Variants in SUPT3H observed in about 807,000 individuals in gnomAD.
SUPT3H encodes transcription initiation protein SPT3 homolog.
SUPT3H carries 44 observed loss-of-function variants against 44.3 expected under a neutral mutation model. The ratio of observed to expected loss-of-function variants is 0.99; its 90% CI spans 0.78 to 1.28. SUPT3H has a LOEUF of 1.28. Ranked by LOEUF, SUPT3H falls within the 50% of genes most tolerant of loss-of-function variation. The pLI, the probability that SUPT3H is intolerant of heterozygous loss-of-function variation, is 0.00. For missense variants in SUPT3H, 380 were observed against 387.1 expected (o/e 0.98, Z 0.15); for synonymous variants, 124 against 125.6 (o/e 0.99, Z 0.09).
intron 2 of SUPT3H, among the ~76,000 whole-genome samples, chr6:45,192,292 T>C (rs1403636134): frequency 6.6e-6 from 1 of 152,078 alleles, no homozygotes; most frequent in Non-Finnish European, 1.5e-5. Flanking sequence ...AAAAATCAGT[T>C]TATAGGGAAA....
At chr6:45,070,167 C>A (rs1212066455) in intron 3 of SUPT3H, among the ~76,000 whole-genome samples, 1 of 152,050 alleles carries the variant, frequency 6.6e-6, no homozygotes, top group Admixed American at 6.5e-5. Flanking sequence ...ATTGGATTTT[C>A]CAGATTGACT....
At chr6:45,092,240 T>C (rs958996828) in intron 3 of SUPT3H, among the ~76,000 whole-genome samples, 4 of 152,148 alleles carry the variant, frequency 2.6e-5, no homozygotes, top group African/African-American at 9.7e-5. Context: ...AAGAAACTCT[T>C]AGATTAAATA....
intron 2 of SUPT3H, among the ~76,000 whole-genome samples, chr6:45,179,803 C>A (rs540689656): frequency 5.9e-5 from 9 of 152,288 alleles, no homozygotes; most frequent in South Asian, 2.1e-4. Flanking sequence ...CCTTTGAAAA[C>A]TGGCACAAGA....
At chr6:44,824,984 T>G (rs149211623), downstream of SUPT3H, among the ~76,000 whole-genome samples, 1 of 152,218 alleles carries the variant, frequency 6.6e-6, no homozygotes, top group Non-Finnish European at 1.5e-5. Context: ...CATTGCCATA[T>G]GTACTTTTGT....
chr6:44,834,358 C>T (rs1406241078), intron 10 of SUPT3H, among the ~76,000 whole-genome samples: 5 of 151,980 alleles, frequency 3.3e-5, no homozygotes, highest in African/African-American at 1.2e-4. Context: ...GGCTTTTATC[C>T]ACAGCAGATG....
intron 3 of SUPT3H, among the ~76,000 whole-genome samples, chr6:45,065,800 A>T (rs1278380015): frequency 6.6e-6 from 1 of 151,762 alleles, no homozygotes; most frequent in Non-Finnish European, 1.5e-5. Context: ...ACAGGAGCTG[A>T]AATTATGGCA....
intron 2 of SUPT3H, chr6:45,322,002 C>A: frequency 1.6e-6 from 1 of 638,766 alleles, no homozygotes; most frequent in Non-Finnish European, 2.7e-6. Context: ...TCCCAGTTCC[C>A]AAGAAGTTTT....
intron 3 of SUPT3H, among the ~76,000 whole-genome samples, chr6:45,089,687 T>TA: frequency 6.6e-6 from 1 of 151,406 alleles, no homozygotes; most frequent in African/African-American, 2.4e-5. Flanking sequence ...GCTCTACATT[T>TA]TTTTTTCAAA....
chr6:45,370,680 T>C (rs1322467407), intron 1 of SUPT3H, among the ~76,000 whole-genome samples: 1 of 152,096 alleles, frequency 6.6e-6, no homozygotes, highest in Non-Finnish European at 1.5e-5. Context: ...ATTGAAAATA[T>C]CAAAACACCC....
At chr6:45,105,741 T>C (rs908139522) in intron 3 of SUPT3H, among the ~76,000 whole-genome samples, 181 bp downstream of exon 3, 12 of 152,196 alleles carry the variant, frequency 7.9e-5, no homozygotes, top group African/African-American at 2.4e-4. Flanking sequence ...TAATATTCCA[T>C]TGTTGAGGCT....
rs372440618 is a variant in SUPT3H, at chr6:44,948,108, G to A, written c.801+5202C>T. Among the ~76,000 whole-genome samples, 3 of 152,296 alleles carry A rather than the reference G, an allele frequency of 2.0e-5. No individual in the cohort carries two copies. In the East Asian group the frequency reaches 5.8e-4, roughly 29 times the overall value. ...CAGATTTGTCAAAGATCAGATGGTTGTGGATGTGTGGTATTATTTCTGAGG... is the reference window on the plus strand; with the variant it reads ...CAGATTTGTCAAAGATCAGATGGTTATGGATGTGTGGTATTATTTCTGAGG... On this transcript the variant is annotated intron_variant, in intron 9 of 10. Coordinates refer to ENST00000371459, the MANE Select transcript of SUPT3H (RefSeq NM_003599.4).
At chr6:45,016,474 C>T (rs1320599149) in intron 4 of SUPT3H, among the ~76,000 whole-genome samples, 1 of 144,972 alleles carries the variant, frequency 6.9e-6, no homozygotes, top group Non-Finnish European at 1.5e-5. Context: ...TTAGGTATAT[C>T]TCATGCTAAC....
chr6:45,206,543 G>A (rs1193229733), intron 2 of SUPT3H, among the ~76,000 whole-genome samples: 1 of 150,886 alleles, frequency 6.6e-6, no homozygotes, highest in Non-Finnish European at 1.5e-5. Context: ...AATTATAAAA[G>A]TAAAAAAAAA....
intron 10 of SUPT3H, among the ~76,000 whole-genome samples, chr6:44,830,858 C>A (rs1316713702): frequency 7.2e-6 from 1 of 139,086 alleles, no homozygotes; most frequent in African/African-American, 3.0e-5. Flanking sequence ...ATACTTCCAG[C>A]CCAATGAATT....
chr6:45,068,460 T>G (rs1793799671), intron 3 of SUPT3H, among the ~76,000 whole-genome samples: 1 of 150,188 alleles, frequency 6.7e-6, no homozygotes, highest in South Asian at 2.1e-4. Context: ...ACTTAAAGTA[T>G]AATAAAAAAA....
At chr6:45,167,497 G>A (rs529373508) in intron 2 of SUPT3H, among the ~76,000 whole-genome samples, 1 of 152,312 alleles carries the variant, frequency 6.6e-6, no homozygotes, top group South Asian at 2.1e-4. Context: ...AAGGCCAATT[G>A]AAGGCCAATT....
chr6:44,859,392 A>G (rs1342689940), intron 10 of SUPT3H, among the ~76,000 whole-genome samples: 1 of 152,196 alleles, frequency 6.6e-6, no homozygotes, highest in African/African-American at 2.4e-5. Context: ...TAAACTTTCA[A>G]ATGGAAAGCT....
At chr6:45,229,231 A>G (rs1482217581) in intron 2 of SUPT3H, among the ~76,000 whole-genome samples, 2 of 152,096 alleles carry the variant, frequency 1.3e-5, no homozygotes, top group African/African-American at 4.8e-5. Flanking sequence ...TTATTGCAGT[A>G]ACCATTTTTA....
chr6:44,975,199 C>A (rs9369525), intron 6 of SUPT3H, among the ~76,000 whole-genome samples: 1 of 152,112 alleles, frequency 6.6e-6, no homozygotes, highest in Non-Finnish European at 1.5e-5. Context: ...ACAAAAAAGA[C>A]GACCAGTTTA....
Sources: gnomAD v4.1 joint callset for allele counts (sites outside exome capture counted in the v4.1 genomes callset) on GRCh38, gnomAD v4.1.1 for gene constraint, MANE v1.5 for transcripts, NCBI Gene and HGNC (gene_info 2026-07-23, HGNC 2026-07-21) for gene names.